The following CTNNA2 variants were observed in gnomAD, a reference collection of about 807,000 sequenced individuals.
The protein encoded by CTNNA2 is catenin alpha 2, also known as catenin alpha-2.
Under a neutral mutation model 101.0 loss-of-function variants are expected in CTNNA2, and 42 were observed. The ratio of observed to expected loss-of-function variants is 0.42; its 90% confidence interval spans 0.32 to 0.54. The LOEUF is 0.54. Among genes scored for constraint, CTNNA2 ranks in the 20% least tolerant of loss-of-function variants. CTNNA2 has a pLI of 0.14. For synonymous variants in CTNNA2, 450 were observed against 456.4 expected, an observed-to-expected ratio of 0.99 and a Z score of 0.18; for missense variants, 871 against 1,223.1, an observed-to-expected ratio of 0.71 and a Z score of 4.29.
rs183019384 is a variant in CTNNA2, at chr2:80,563,780, G to A, written c.1741+7887G>A. On this transcript the variant is annotated intron_variant, in intron 12 of 18. Transcript: ENST00000402739. ...ACCAGACCAGAGAAGCCCACTCTTC[G>A]GTGTACCTGTTACTCTTATTATCTG... Among the ~76,000 whole-genome samples, 55 of 152,074 alleles carry A rather than the reference G, an allele frequency of 3.6e-4. 1 individual carries two copies. In the South Asian group the frequency reaches 5.0e-3, roughly 14 times the overall value.
chr2:79,779,135 T>TG (rs199932978), intron 3 of CTNNA2, among the ~76,000 whole-genome samples: 2 of 59,584 alleles, frequency 3.4e-5, no homozygotes, highest in South Asian at 6.6e-4. Context: ...CTGTTGTTGT[T>TG]TTTTTTTTTT....
intron 1 of CTNNA2, among the ~76,000 whole-genome samples, chr2:79,520,983 A>G (rs1443734019): frequency 6.6e-6 from 1 of 151,738 alleles, no homozygotes; most frequent in Non-Finnish European, 1.5e-5. Flanking sequence ...AAACATATGT[A>G]CAAGGACTTT....
intron 9 of CTNNA2, among the ~76,000 whole-genome samples, chr2:80,525,947 AT>A (rs1346111679): frequency 6.6e-6 from 1 of 152,122 alleles, no homozygotes; most frequent in East Asian, 1.9e-4. Flanking sequence ...AAGTAATTTC[AT>A]TTTTTGCCAT....
chr2:80,125,987 G>C (rs952693949), intron 7 of CTNNA2, among the ~76,000 whole-genome samples: 2 of 152,154 alleles, frequency 1.3e-5, no homozygotes, highest in African/African-American at 4.8e-5. Flanking sequence ...AAAGTGCTTA[G>C]TACTATAACT....
chr2:79,202,448 TC>T (rs1674049351), intron 2 of CTNNA2, among the ~76,000 whole-genome samples: 1 of 152,122 alleles, frequency 6.6e-6, no homozygotes, highest in Non-Finnish European at 1.5e-5. Flanking sequence ...GTTCAAGTGA[TC>T]CTTCCACCTC....
rs751697553 is a variant in CTNNA2, at chr2:80,393,297, A to AT, written c.1137+12dup. ...CAAGAGATCTAAGGAGACAGGTACT[A>AT]TTTTTTATTTTTACTTTAAGTCCAT... On this transcript the variant is annotated splice_region_variant and intron_variant, in intron 8 of 18. Transcript: ENST00000402739. 2 of 1,591,000 alleles carry AT rather than the reference A, an allele frequency of 1.3e-6. No homozygotes were observed. The highest frequency in any genetic ancestry group is 1.7e-5 in the Admixed American group (1 of 58,144).
rs368214934 is a variant in CTNNA2 at position 80,581,813 on chromosome 2, C to T, written c.2001C>T (p.Ser667=). 1.4e-5 allele frequency: 22 copies of T among 1,597,754 alleles called. No individual in the cohort carries two copies. The highest frequency in any genetic ancestry group is 4.5e-5 in the East Asian group (2 of 44,762). ...TEDDQLIAGQ[S]ARAIMAQLPQ... Reference sequence around the variant, plus strand: ...ATGACCAGCTCATTGCAGGGCAGAGCGCACGGGTGAGTGGACACCTAAGAC... The same window carrying T: ...ATGACCAGCTCATTGCAGGGCAGAGTGCACGGGTGAGTGGACACCTAAGAC... Residue 667 remains serine (S), a synonymous_variant, in exon 14 of 19, where the codon AGC becomes AGT. Coordinates refer to ENST00000402739, the MANE Select transcript of CTNNA2 (RefSeq NM_001282597.3).
chr2:80,543,558 G>C (rs1394115959), intron 9 of CTNNA2, among the ~76,000 whole-genome samples: 1 of 152,078 alleles, frequency 6.6e-6, no homozygotes, highest in African/African-American at 2.4e-5. Context: ...TTACACTAAT[G>C]GTTTATTGAA....
At chr2:80,504,530 C>A (rs78125953) in intron 9 of CTNNA2, among the ~76,000 whole-genome samples, 4 of 152,136 alleles carry the variant, frequency 2.6e-5, no homozygotes, top group Middle Eastern at 3.4e-3. Context: ...CACCAGAGTG[C>A]GGGAACCTTG....
intron 13 of CTNNA2, among the ~76,000 whole-genome samples, chr2:80,577,698 T>TGTC (rs138051895): frequency 0.089 from 13,577 of 151,782 alleles, 790 homozygotes; most frequent in African/African-American, 0.16. Flanking sequence ...TTGTTGTTGT[T>TGTC]GTTGTTTTGT....
intron 2 of CTNNA2, among the ~76,000 whole-genome samples, chr2:79,238,898 G>A (rs988643810): frequency 6.6e-6 from 1 of 152,142 alleles, no homozygotes; most frequent in East Asian, 1.9e-4. Flanking sequence ...AATAATGTGG[G>A]TAGAATTAAG....
intron 7 of CTNNA2, among the ~76,000 whole-genome samples, chr2:80,175,818 G>A (rs4369885): frequency 0.62 from 94,507 of 152,072 alleles, 29,731 homozygotes; most frequent in African/African-American, 0.68. Flanking sequence ...GCCTCGGCAA[G>A]CCACTGGTTT....
chr2:80,476,386 A>G (rs1375042256), intron 9 of CTNNA2, among the ~76,000 whole-genome samples: 3 of 152,284 alleles, frequency 2.0e-5, no homozygotes, highest in Middle Eastern at 3.4e-3. Flanking sequence ...TCTCCAGGGG[A>G]AAAGGTGGAA....
chr2:80,351,151 C>G (rs1465883288), intron 7 of CTNNA2, among the ~76,000 whole-genome samples: 1 of 152,080 alleles, frequency 6.6e-6, no homozygotes, highest in Non-Finnish European at 1.5e-5. Context: ...AAGTGAGATG[C>G]AGGTTAAAAA....
At chr2:80,166,325 C>G (rs1388879215) in intron 7 of CTNNA2, among the ~76,000 whole-genome samples, 1 of 152,122 alleles carries the variant, frequency 6.6e-6, no homozygotes, top group Non-Finnish European at 1.5e-5. Context: ...TCTCCAAGAC[C>G]TTCAGGGAGA....
chr2:79,447,683 A>G (rs1678849042), intron 4 of CTNNA2, among the ~76,000 whole-genome samples: 2 of 152,048 alleles, frequency 1.3e-5, no homozygotes, highest in African/African-American at 4.8e-5. Flanking sequence ...GGGTGACCTC[A>G]TCTGAAAAGG....
At chr2:80,089,947 T>C (rs948700270) in intron 7 of CTNNA2, among the ~76,000 whole-genome samples, 2 of 152,046 alleles carry the variant, frequency 1.3e-5, no homozygotes, top group Admixed American at 1.3e-4. Context: ...CCAAGAATGA[T>C]GCCTTCAGGT....
At chr2:79,760,177 T>A (rs1056719928) in intron 3 of CTNNA2, among the ~76,000 whole-genome samples, 5 of 151,944 alleles carry the variant, frequency 3.3e-5, no homozygotes, top group Non-Finnish European at 5.9e-5. Flanking sequence ...GGCATGTAAA[T>A]CAGTGACTGA....
intron 7 of CTNNA2, among the ~76,000 whole-genome samples, chr2:80,275,189 AC>A (rs1673798761): frequency 6.6e-6 from 1 of 152,122 alleles, no homozygotes; most frequent in Admixed American, 6.6e-5. Context: ...TGTTAGTTGA[AC>A]CCTGTTCCAA....
Sources: gnomAD v4.1 joint callset for allele counts (sites outside exome capture counted in the v4.1 genomes callset) on GRCh38, gnomAD v4.1.1 for gene constraint, MANE v1.5 for transcripts, NCBI Gene and HGNC (gene_info 2026-07-23, HGNC 2026-07-21) for gene names.